Variants in CAMTA1 observed in about 807,000 individuals in gnomAD.
The protein encoded by CAMTA1 is calmodulin-binding transcription activator 1.
In CAMTA1, 27 loss-of-function variants were observed where a neutral mutation model predicts 170.9. That is an observed-to-expected ratio of 0.16 (90% CI 0.12 to 0.22). The LOEUF is 0.22. Among genes scored for constraint, CAMTA1 ranks in the 10% least tolerant of loss-of-function variants. The probability of loss-of-function intolerance (pLI) is 1.00; values close to 1 mark genes in which losing one functional copy is unlikely to be tolerated. For missense variants in CAMTA1, 1,619 were observed against 2,217.2 expected, an observed-to-expected ratio of 0.73 and a Z score of 5.42; for synonymous variants, 833 against 891.5, an observed-to-expected ratio of 0.93 and a Z score of 1.17.
rs1033326627 is a variant in CAMTA1, at chr1:7,426,939, C to G, written c.439-40891C>G. ...GTAATTTATCAGGCCACCAGCAAGG[C>G]CTTTTTGCTCAGCGGTGGCGTTCAG... On this transcript the variant is annotated intron_variant, in intron 5 of 22. Transcript: ENST00000303635. The surrounding 1 kb of genome is among the most constrained non-coding windows in gnomAD (Gnocchi z 4.8). Among the ~76,000 whole-genome samples the G allele has an allele frequency of 6.6e-6, 1 of 152,126 alleles. No individual in the cohort carries two copies. Among genetic ancestry groups the G allele is most frequent in the African/African-American group, 2.4e-5 (1 of 41,416 alleles).
At chr1:7,734,886 G>C (rs2096759873) in intron 12 of CAMTA1, among the ~76,000 whole-genome samples, 1 of 152,138 alleles carries the variant, frequency 6.6e-6, no homozygotes, top group Non-Finnish European at 1.5e-5. Flanking sequence ...AATTAGCCTA[G>C]AGGTGCCATT....
intron 3 of CAMTA1, among the ~76,000 whole-genome samples, chr1:6,979,837 CATG>C (rs1417253312): frequency 1.3e-5 from 2 of 151,404 alleles, no homozygotes; most frequent in African/African-American, 2.4e-5. Context: ...ACTGTCCTCT[CATG>C]GTGGTGTAGC....
At chr1:7,391,699 G>A (rs1261737607) in intron 5 of CAMTA1, among the ~76,000 whole-genome samples, 3 of 152,106 alleles carry the variant, frequency 2.0e-5, no homozygotes, top group Admixed American at 2.0e-4. Context: ...GGAATGAATG[G>A]CCTGTTTTCA....
chr1:7,199,130 G>A (rs1177246382), intron 4 of CAMTA1, among the ~76,000 whole-genome samples: 1 of 145,546 alleles, frequency 6.9e-6, no homozygotes, highest in Non-Finnish European at 1.5e-5. Flanking sequence ...CTTTGCTGAA[G>A]GAGGGAAGGT....
chr1:7,630,695 G>T (rs1040264415), intron 6 of CAMTA1, among the ~76,000 whole-genome samples: 2 of 152,216 alleles, frequency 1.3e-5, no homozygotes, highest in Admixed American at 1.3e-4. Context: ...ATGGGAAGGT[G>T]CTGCAGGGCC....
At chr1:6,991,322 C>T (rs1303182212) in intron 3 of CAMTA1, among the ~76,000 whole-genome samples, 1 of 152,068 alleles carries the variant, frequency 6.6e-6, no homozygotes, top group Non-Finnish European at 1.5e-5. Flanking sequence ...TTTTTTTCCC[C>T]TAAAGTGGTT....
At chr1:6,880,387 T>TG (rs1357217234) in intron 3 of CAMTA1, among the ~76,000 whole-genome samples, 3 of 142,388 alleles carry the variant, frequency 2.1e-5, no homozygotes, top group Non-Finnish European at 4.6e-5. Context: ...AAAAGTGTTT[T>TG]TTTTTTTTTT....
At position 7,561,156 on chromosome 1, in the gene CAMTA1, C is replaced by G. The variant is rs1013623587; in HGVS notation, c.511-79244C>G. ...ATGGCCAGGGGCTGGCCGAGGGGGG[C>G]CGGTGGGTGGTGAATGAAGGGCTCC... On this transcript the variant is annotated intron_variant, in intron 6 of 22. Transcript: ENST00000303635. The surrounding 1 kb of genome is among the most constrained non-coding windows in gnomAD (Gnocchi z 5.3). Among the ~76,000 whole-genome samples the G allele has an allele frequency of 3.3e-5, 5 of 151,972 alleles. No individual in the cohort carries two copies. Among genetic ancestry groups the G allele is most frequent in the Non-Finnish European group, 7.4e-5 (5 of 67,974 alleles).
In CAMTA1 at chr1:7,272,512, A is replaced by C. The variant is rs1669947155; in HGVS notation, c.438+22886A>C. Among the ~76,000 whole-genome samples the C allele has an allele frequency of 3.9e-5, 6 of 152,086 alleles. No homozygotes were observed. The South Asian group carries it at 1.2e-3, about 31-fold the overall frequency. The stretch of plus-strand genomic sequence containing the variant: ...TCAAAACTTACTGTAAAGCTATGGT[A>C]ATCAAGTCAGTGAGGTATTGGCATA... On this transcript the variant is annotated intron_variant, in intron 5 of 22. Coordinates refer to ENST00000303635, the MANE Select transcript of CAMTA1 (RefSeq NM_015215.4).
At chr1:7,212,388 A>G (rs1658938133) in intron 4 of CAMTA1, among the ~76,000 whole-genome samples, 1 of 152,202 alleles carries the variant, frequency 6.6e-6, no homozygotes, top group African/African-American at 2.4e-5. Context: ...CACATGGGTA[A>G]CCACTCTCAT....
chr1:7,674,931 C>A lies in CAMTA1; in HGVS notation c.2780-2668C>A, dbSNP rs550864008. 1.5e-4 allele frequency among the ~76,000 whole-genome samples: 23 copies of A among 152,354 alleles called. No homozygotes were observed. Among genetic ancestry groups the A allele is most frequent in the African/African-American group, 5.3e-4 (22 of 41,584 alleles). ...AAGATTAAGACAGAGCCAGTCCCAG[C>A]TCTCATGAGCTAATGTTCTACTGCA... is the stretch of plus-strand genomic sequence containing the variant. On this transcript the variant is annotated intron_variant, in intron 10 of 22. Transcript: ENST00000303635. This position sits in a 1 kb window ranked among gnomAD's most constrained non-coding sequence, Gnocchi z 4.1.
At chr1:7,277,823 AT>A (rs1318168962) in intron 5 of CAMTA1, among the ~76,000 whole-genome samples, 1 of 150,180 alleles carries the variant, frequency 6.7e-6, no homozygotes, top group Non-Finnish European at 1.5e-5. Flanking sequence ...GCTATTTTGT[AT>A]TTTTTTACTT....
At chr1:7,519,348 G>A (rs17031062) in intron 6 of CAMTA1, among the ~76,000 whole-genome samples, 3 of 151,970 alleles carry the variant, frequency 2.0e-5, no homozygotes, top group Non-Finnish European at 4.4e-5. Flanking sequence ...TCCTGCTCAC[G>A]GCAGCTCCAC....
rs182766895 is a variant in CAMTA1, at chr1:7,139,900, C to T, written c.302+48529C>T. On this transcript the variant is annotated intron_variant, in intron 4 of 22. Transcript: ENST00000303635. ...AGTCCATCAGGGAAAGTGGCTGGCT[C>T]ATTCAGCCACAGTGTAGCATTGGCA... Among the ~76,000 whole-genome samples the T allele has an allele frequency of 6.0e-4, 92 of 152,296 alleles. 1 individual carries two copies. Among genetic ancestry groups the T allele is most frequent in the East Asian group, 1.2e-3 (6 of 5,184 alleles).
rs1364711093 is a variant in CAMTA1 at position 7,667,866 on chromosome 1, G to A, written c.2652+2667G>A. On this transcript the variant is annotated intron_variant, in intron 9 of 22. Coordinates refer to ENST00000303635, the MANE Select transcript of CAMTA1 (RefSeq NM_015215.4). Reference sequence around the variant, plus strand: ...AAATTCAGCTTGATTTGGAAAATGCGCATAAGCCACCCAGCTAGGCCCTTT... The same window carrying A: ...AAATTCAGCTTGATTTGGAAAATGCACATAAGCCACCCAGCTAGGCCCTTT... 3.9e-5 allele frequency among the ~76,000 whole-genome samples: 6 copies of A among 152,200 alleles called. No individual in the cohort carries two copies. The South Asian group carries it at 6.2e-4, about 16-fold the overall frequency.
intron 3 of CAMTA1, among the ~76,000 whole-genome samples, chr1:6,858,019 G>T (rs1280200957): frequency 6.6e-6 from 1 of 152,140 alleles, no homozygotes; most frequent in Non-Finnish European, 1.5e-5. Flanking sequence ...CATAGTAAAT[G>T]CTCAATAAAG....
chr1:6,913,489 AC>A (rs1457051334), intron 3 of CAMTA1, among the ~76,000 whole-genome samples: 1 of 150,078 alleles, frequency 6.7e-6, no homozygotes, highest in East Asian at 2.0e-4. Flanking sequence ...ACCCTGCTTG[AC>A]CCCCTGCGTG....
chr1:7,174,747 T>C (rs914231673), intron 4 of CAMTA1, among the ~76,000 whole-genome samples: 2 of 151,998 alleles, frequency 1.3e-5, no homozygotes, highest in Non-Finnish European at 2.9e-5. Context: ...GCCTGGGAAT[T>C]GGGAGGAGTT....
intron 3 of CAMTA1, among the ~76,000 whole-genome samples, chr1:6,866,953 T>C (rs1666765281): frequency 6.6e-6 from 1 of 152,250 alleles, no homozygotes; most frequent in Admixed American, 6.5e-5. Context: ...TGCTTCTCCA[T>C]GATCTCTCAG....
Sources: gnomAD v4.1 joint callset for allele counts (sites outside exome capture counted in the v4.1 genomes callset) on GRCh38, gnomAD v4.1.1 for gene constraint, Gnocchi (gnomAD v3.1) non-coding constraint, MANE v1.5 for transcripts, NCBI Gene and HGNC (gene_info 2026-07-23, HGNC 2026-07-21) for gene names.